MAOB: variants seen among roughly 807,000 people sequenced by gnomAD.
MAOB encodes the protein monoamine oxidase B.
MAOB carries 15 observed loss-of-function variants against 41.9 expected under a neutral mutation model. The ratio of observed to expected loss-of-function variants is 0.36; its 90% confidence interval spans 0.24 to 0.55. MAOB has a LOEUF of 0.55. Ranked by LOEUF, MAOB falls within the 20% of genes least tolerant of loss-of-function variation. MAOB has a pLI of 0.86. For missense variants in MAOB, 345 were observed against 398.7 expected (o/e 0.87, Z 1.15); for synonymous variants, 167 against 144.2 (o/e 1.16, Z -1.13).
intron 2 of MAOB, among the ~76,000 whole-genome samples, chrX:43,843,357 TCACACACA>T (rs61018201): frequency 0.078 from 6,499 of 83,591 alleles, 332 homozygotes; most frequent in African/African-American, 0.15. Context: ...TCTCTCTGTC[TCACACACA>T]CACACACACA....
rs756712738 is a variant in MAOB at position 43,793,441 on chromosome X, T to C, written c.906A>G (p.Lys302=). ...GSVIKCIVYY[K]EPFWRKKDYC... is the part of the protein sequence containing the mutation. ...CACCCTTTTTCCTCCAGAAAGGCTC[T>C]TTATAATAAACTATACACTTGATGA... The change falls in exon 8 of 15, where the codon AAA becomes AAG. Residue 302 remains lysine (K), a synonymous_variant. Transcript: ENST00000378069. 9.2e-6 allele frequency: 11 copies of C among 1,199,338 alleles called. No homozygotes were observed. In the South Asian group the frequency reaches 1.7e-4, roughly 18 times the overall value.
chrX:43,775,406 T>C (rs770798430), intron 11 of MAOB, 134 bp from the exon 12 acceptor site: 101 of 998,364 alleles, frequency 1.0e-4, no homozygotes, highest in Middle Eastern at 2.7e-4. Flanking sequence ...TATCCTGATG[T>C]TTTTAAAGAT....
intron 3 of MAOB, among the ~76,000 whole-genome samples, chrX:43,812,055 T>C (rs769642140): frequency 1.8e-5 from 2 of 111,734 alleles, no homozygotes; most frequent in African/African-American, 3.3e-5. Context: ...AGTTCAATTG[T>C]TTTGATTTTT....
At chrX:43,773,881 G>A (rs2283728) in intron 12 of MAOB, among the ~76,000 whole-genome samples, 5,829 of 111,445 alleles carry the variant, frequency 0.052, 318 homozygotes, top group South Asian at 0.18. Context: ...TAAATTGCCC[G>A]GTCTCAGGTA....
intron 11 of MAOB, among the ~76,000 whole-genome samples, chrX:43,777,002 T>C (rs1301845144): frequency 9.0e-6 from 1 of 110,693 alleles, no homozygotes; most frequent in East Asian, 2.9e-4. Context: ...CTTAATCCAG[T>C]CTATCATTGT....
At chrX:43,851,074 G>A (rs1360198445) in intron 1 of MAOB, among the ~76,000 whole-genome samples, 1 of 111,611 alleles carries the variant, frequency 9.0e-6, no homozygotes, top group Non-Finnish European at 1.9e-5. Flanking sequence ...TTGTAATCGT[G>A]GAAGACAAAA....
intron 3 of MAOB, among the ~76,000 whole-genome samples, chrX:43,811,822 A>G: frequency 8.9e-6 from 1 of 112,110 alleles, no homozygotes; most frequent in East Asian, 2.8e-4. Flanking sequence ...TCAAGCATTT[A>G]TCCTTTGTGT....
intron 5 of MAOB, among the ~76,000 whole-genome samples, chrX:43,800,789 A>G (rs1032777801): frequency 8.9e-6 from 1 of 112,048 alleles, no homozygotes; most frequent in Non-Finnish European, 1.9e-5. Flanking sequence ...TTTGCATGGT[A>G]ATATTAAACG....
intron 1 of MAOB, among the ~76,000 whole-genome samples, chrX:43,856,760 G>C (rs932658797): frequency 1.8e-5 from 2 of 109,392 alleles, no homozygotes; most frequent in Admixed American, 2.0e-4. Flanking sequence ...CATCAAAAAG[G>C]CTTCATCATT....
chrX:43,828,665 C>T (rs947116273), intron 3 of MAOB, among the ~76,000 whole-genome samples: 8 of 111,719 alleles, frequency 7.2e-5, no homozygotes, highest in African/African-American at 2.6e-4. Flanking sequence ...GAGACTTCAT[C>T]TGCTCTTAAG....
chrX:43,853,336 CCT>C (rs2035266625), intron 1 of MAOB, among the ~76,000 whole-genome samples: 1 of 107,851 alleles, frequency 9.3e-6, no homozygotes, highest in African/African-American at 3.4e-5. Context: ...GGAAAGTTCC[CCT>C]GTTTTTTTTC....
intron 1 of MAOB, among the ~76,000 whole-genome samples, chrX:43,853,577 C>G (rs145655520): frequency 1.0e-3 from 116 of 111,702 alleles, no homozygotes; most frequent in Non-Finnish European, 1.6e-3. Context: ...AGAATGTGAC[C>G]TTATATGGAG....
At chrX:43,817,943 G>A (rs1243074674) in intron 3 of MAOB, among the ~76,000 whole-genome samples, 2 of 112,105 alleles carry the variant, frequency 1.8e-5, no homozygotes, top group South Asian at 3.7e-4. Flanking sequence ...TAATCCCCAC[G>A]AAGGTAGAAA....
rs4071606 is a variant in MAOB, at chrX:43,808,633, CATCTATATCTATATCTATATCTAT to C, written c.280-5253_280-5230del. Among the ~76,000 whole-genome samples the C allele has an allele frequency of 9.0e-5, 8 of 89,146 alleles. No homozygotes were observed. The East Asian group carries it at 1.1e-3, about 12-fold the overall frequency. 77.4% of individuals were successfully genotyped at this position (89,146 alleles called of 115,157 possible). A position where few individuals can be genotyped will look rare whatever the true frequency, so the allele number is the denominator to read the frequency against. On this transcript the variant is annotated intron_variant, in intron 3 of 14. Coordinates refer to ENST00000378069, the MANE Select transcript of MAOB (RefSeq NM_000898.5). ...CCCTGCCCAACAAAAGCATCCTGCA[CATCTATATCTATATCTATATCTAT>C]ATCTATATCTATATCTATATCTATA... is the stretch of plus-strand genomic sequence containing the variant.
intron 5 of MAOB, among the ~76,000 whole-genome samples, chrX:43,798,930 A>G (rs2034561075): frequency 9.0e-6 from 1 of 111,715 alleles, no homozygotes; most frequent in Non-Finnish European, 1.9e-5. Flanking sequence ...ATATATAACG[A>G]CACAACTTCA....
rs369359002 is a variant in MAOB, at chrX:43,792,184, T to C, written c.928+1235A>G. 3.6e-3 allele frequency among the ~76,000 whole-genome samples: 400 copies of C among 112,499 alleles called. 2 individuals are homozygous for C. Among genetic ancestry groups the C allele is most frequent in the African/African-American group, 0.012 (372 of 30,995 alleles). On this transcript the variant is annotated intron_variant, in intron 8 of 14. Coordinates refer to ENST00000378069, the MANE Select transcript of MAOB (RefSeq NM_000898.5). ...GAGTTGGTTATATTCTAAAGAAAGTTAATTCCATGAGTTTGTGCCAATATA... is the reference window on the plus strand; with the variant it reads ...GAGTTGGTTATATTCTAAAGAAAGTCAATTCCATGAGTTTGTGCCAATATA...
intron 8 of MAOB, 84 bp downstream of exon 8, chrX:43,793,335 G>T: frequency 1.3e-6 from 1 of 742,139 alleles, no homozygotes. Context: ...TAAAATAAAA[G>T]TTGACATTTT....
intron 1 of MAOB, among the ~76,000 whole-genome samples, chrX:43,851,403 A>G (rs958952949): frequency 9.0e-6 from 1 of 111,308 alleles, no homozygotes; most frequent in Non-Finnish European, 1.9e-5. Context: ...ATATTCTGAC[A>G]CAGGCATACA....
At chrX:43,832,432 G>C (rs950783369) in intron 3 of MAOB, among the ~76,000 whole-genome samples, 4 of 111,318 alleles carry the variant, frequency 3.6e-5, no homozygotes, top group Non-Finnish European at 7.5e-5. Context: ...ACTTCCAAAT[G>C]GATTTTTTTC....
Sources: allele counts gnomAD v4.1 joint callset (sites outside exome capture counted in the v4.1 genomes callset), GRCh38; gene constraint gnomAD v4.1.1; transcripts MANE v1.5; gene names NCBI Gene and HGNC (gene_info 2026-07-23, HGNC 2026-07-21).